The following AKAP13 variants were observed in gnomAD, a reference collection of about 807,000 sequenced individuals.
The protein encoded by AKAP13 is A-kinase anchoring protein 13.
A neutral mutation model predicts 264.5 loss-of-function variants in AKAP13; 80 were observed. The observed-to-expected ratio is 0.30, with a 90% CI of 0.25 to 0.36. The LOEUF (loss-of-function observed/expected upper bound fraction) is 0.36. AKAP13 is among the 10% of genes least tolerant of loss of function. The pLI is 1.00. For missense variants in AKAP13, 3,712 were observed against 3,435.2 expected, an observed-to-expected ratio of 1.08 and a Z score of -2.01; for synonymous variants, 1,380 against 1,250.2, an observed-to-expected ratio of 1.10 and a Z score of -2.19.
intron 1 of AKAP13, among the ~76,000 whole-genome samples, chr15:85,419,479 C>T (rs10520588): frequency 0.77 from 117,723 of 152,096 alleles, 45,942 homozygotes; most frequent in African/African-American, 0.81. Flanking sequence ...ACTGTTGACC[C>T]GGATATTTTT....
chr15:85,634,272 G>A (rs894533745), intron 8 of AKAP13, among the ~76,000 whole-genome samples: 1 of 152,126 alleles, frequency 6.6e-6, no homozygotes, highest in Admixed American at 6.5e-5. Flanking sequence ...ATGCCACTTA[G>A]CATATACAGT....
At chr15:85,740,926 G>A in intron 34 of AKAP13, 120 bp from the exon 35 acceptor site, 1 of 1,459,520 alleles carries the variant, frequency 6.9e-7, no homozygotes, top group South Asian at 1.4e-5. Flanking sequence ...CTTGAAAAAT[G>A]AGGGGAGAGT....
chr15:85,727,292 C>G lies in AKAP13; in HGVS notation c.7004+45C>G, dbSNP rs58086370. The G allele has an allele frequency of 1.6e-4, 263 of 1,612,184 alleles. 1 individual carries two copies. In the East Asian group the frequency reaches 4.8e-3, roughly 30 times the overall value. On this transcript the variant is annotated intron_variant, in intron 28 of 36. Coordinates refer to ENST00000394518, the MANE Select transcript of AKAP13 (RefSeq NM_007200.5). This position sits in a 1 kb window ranked among gnomAD's most constrained non-coding sequence, Gnocchi z 5.3. ...CCACCCTTCCCAGCCCTCCTGATGT[C>G]TCTGTGTGATTTCATAACAGGCTGG...
rs115246505 is a variant in AKAP13, at chr15:85,741,513, C to A, written c.8058+18C>A. On this transcript the variant is annotated intron_variant, in intron 35 of 36. Coordinates refer to ENST00000394518, the MANE Select transcript of AKAP13 (RefSeq NM_007200.5). Reference sequence around the variant, plus strand: ...TGTGTCAGGTAATGGGACTCCCTGCCGAGAGCAACCTAATGATGATATTAA... The same window carrying A: ...TGTGTCAGGTAATGGGACTCCCTGCAGAGAGCAACCTAATGATGATATTAA... 6.4e-7 allele frequency: 1 copy of A among 1,556,776 alleles called. No homozygotes were observed. Among genetic ancestry groups the A allele is most frequent in the Admixed American group, 1.9e-5 (1 of 52,892 alleles).
chr15:85,385,536 C>A (rs751757757), intron 1 of AKAP13, among the ~76,000 whole-genome samples: 1 of 152,180 alleles, frequency 6.6e-6, no homozygotes, highest in South Asian at 2.1e-4. Context: ...TGTACTCAAC[C>A]GGTTCTCTAC....
intron 8 of AKAP13, among the ~76,000 whole-genome samples, chr15:85,611,181 C>T (rs2080603377): frequency 6.6e-6 from 1 of 152,178 alleles, no homozygotes; most frequent in Non-Finnish European, 1.5e-5. Flanking sequence ...CTTTGAAATA[C>T]TTTCTCCATT....
intron 8 of AKAP13, among the ~76,000 whole-genome samples, chr15:85,596,758 C>T (rs995861497): frequency 1.3e-5 from 2 of 152,126 alleles, no homozygotes; most frequent in Admixed American, 1.3e-4. Context: ...AATTGTATAG[C>T]TTCACAGTTG....
intron 3 of AKAP13, among the ~76,000 whole-genome samples, chr15:85,528,870 C>G (rs2077164526): frequency 6.6e-6 from 1 of 152,166 alleles, no homozygotes; most frequent in Non-Finnish European, 1.5e-5. Context: ...TCTAAATCCT[C>G]TAGAGTAGCT....
At chr15:85,687,205 T>G (rs2084986006) in intron 16 of AKAP13, among the ~76,000 whole-genome samples, 1 of 146,880 alleles carries the variant, frequency 6.8e-6, no homozygotes, top group Non-Finnish European at 1.5e-5. Context: ...AGATGTATGC[T>G]TCATGTCACA....
At chr15:85,576,168 T>C (rs1026722) in intron 6 of AKAP13, among the ~76,000 whole-genome samples, 38,479 of 152,086 alleles carry the variant, frequency 0.25, 5,033 homozygotes, top group East Asian at 0.37. Context: ...TACAGAAATA[T>C]GCAACAACTA....
intron 16 of AKAP13, among the ~76,000 whole-genome samples, chr15:85,690,973 G>A (rs1216268608): frequency 6.6e-6 from 1 of 152,194 alleles, no homozygotes; most frequent in African/African-American, 2.4e-5. Context: ...GCTTACTACA[G>A]TGCTTAGCAC....
At chr15:85,606,122 G>C (rs1197396942) in intron 8 of AKAP13, among the ~76,000 whole-genome samples, 1 of 52,478 alleles carries the variant, frequency 1.9e-5, no homozygotes, top group Non-Finnish European at 3.6e-5. Flanking sequence ...TTTTTGTTGA[G>C]ATGTAGTCTT....
chr15:85,531,593 T>C (rs1274981041), intron 3 of AKAP13, among the ~76,000 whole-genome samples: 1 of 152,228 alleles, frequency 6.6e-6, no homozygotes, highest in Non-Finnish European at 1.5e-5. Flanking sequence ...CAAAGAAATA[T>C]TGCTTTTTTC....
At chr15:85,662,236 A>G (rs1181706892) in intron 12 of AKAP13, 3 of 654,240 alleles carry the variant, frequency 4.6e-6, no homozygotes, top group Non-Finnish European at 8.1e-6. Context: ...TAGCCTTTTT[A>G]AAAATTGTCA....
intron 2 of AKAP13, among the ~76,000 whole-genome samples, chr15:85,505,316 T>A (rs758835572): frequency 6.6e-6 from 1 of 152,228 alleles, no homozygotes; most frequent in Non-Finnish European, 1.5e-5. Flanking sequence ...TGGACATCTT[T>A]AAGAATTATC....
At chr15:85,625,792 G>A (rs138179299) in intron 8 of AKAP13, among the ~76,000 whole-genome samples, 1 of 152,300 alleles carries the variant, frequency 6.6e-6, no homozygotes, top group East Asian at 1.9e-4. Context: ...GTTTCAAATG[G>A]AGCCACATAG....
chr15:85,524,383 C>T (rs1322304709), intron 3 of AKAP13, among the ~76,000 whole-genome samples: 1 of 151,994 alleles, frequency 6.6e-6, no homozygotes, highest in Non-Finnish European at 1.5e-5. Context: ...ACCATGTTGG[C>T]CAGGCTGGTC....
rs1371365354 is a variant in AKAP13 at position 85,708,184 on chromosome 15, T to C, written c.5532+98T>C. ...AGTTGAGGTTGTGGTGGATTTTGTT[T>C]ATTTTAATCATTTGGTACCAACTTT... On this transcript the variant is annotated intron_variant, in intron 18 of 36. Transcript: ENST00000394518. This position sits in a 1 kb window ranked among gnomAD's most constrained non-coding sequence, Gnocchi z 4.3. 6.8e-6 allele frequency: 8 copies of C among 1,171,394 alleles called. No homozygotes were observed. Among genetic ancestry groups the C allele is most frequent in the Non-Finnish European group, 9.7e-6 (8 of 828,900 alleles). 72.6% of individuals were successfully genotyped at this position (1,171,394 alleles called of 1,614,324 possible).
At chr15:85,446,708 TTC>T (rs1380562968) in intron 1 of AKAP13, among the ~76,000 whole-genome samples, 51 of 124,228 alleles carry the variant, frequency 4.1e-4, no homozygotes, top group African/African-American at 1.8e-3. Context: ...CTTTTTCTTT[TTC>T]TTTTTTTTTT....
Sources: gnomAD v4.1 joint callset for allele counts (sites outside exome capture counted in the v4.1 genomes callset) on GRCh38, gnomAD v4.1.1 for gene constraint, Gnocchi (gnomAD v3.1) non-coding constraint, MANE v1.5 for transcripts, NCBI Gene and HGNC (gene_info 2026-07-23, HGNC 2026-07-21) for gene names.